WNT3: variants seen among roughly 807,000 people sequenced by gnomAD.
WNT3 encodes proto-oncogene Wnt-3.
In WNT3, 7 loss-of-function variants were observed where a neutral mutation model predicts 34.2. The observed-to-expected ratio is 0.20, with a 90% CI of 0.12 to 0.38. The LOEUF (loss-of-function observed/expected upper bound fraction) is 0.38, where lower values mean the gene tolerates loss of function less well. WNT3 is among the 10% of genes least tolerant of loss of function. WNT3 has a pLI of 1.00. For synonymous variants in WNT3, 212 were observed against 211.5 expected, an observed-to-expected ratio of 1.00 and a Z score of -0.02; for missense variants, 267 against 499.8, an observed-to-expected ratio of 0.53 and a Z score of 4.44.
Position 46,816,475 on chromosome 17 carries a change from G to GCACGCACA in WNT3, c.80+2042_80+2043insTGTGCGTG, listed in dbSNP as rs1475869479. Among the ~76,000 whole-genome samples, 622 of 144,348 alleles carry GCACGCACA rather than the reference G, an allele frequency of 4.3e-3. 3 individuals carry two copies. The highest frequency in any genetic ancestry group is 0.015 in the African/African-American group (587 of 38,904). The allele number at this position is 144,348 out of a possible 152,430, so 94.7% of individuals were successfully genotyped here. ...TTAGGGTCATAGACCCAGAACACAC[G>GCACGCACA]CACACACACACACACACACACACAC... On this transcript the variant is annotated intron_variant, in intron 1 of 4. Transcript: ENST00000225512.
chr17:46,794,360 G>A (rs557412342), intron 1 of WNT3, among the ~76,000 whole-genome samples: 3 of 152,320 alleles, frequency 2.0e-5, no homozygotes, highest in African/African-American at 7.2e-5. Flanking sequence ...CTATGGGGCT[G>A]AAAGAAGCCC....
At chr17:46,775,130 C>T (rs185839758) in intron 1 of WNT3, among the ~76,000 whole-genome samples, 140 of 152,316 alleles carry the variant, frequency 9.2e-4, no homozygotes, top group African/African-American at 3.2e-3. Context: ...GACACAGGGC[C>T]GAGCCAAACA....
At chr17:46,773,644 C>G (rs1230607729) in intron 2 of WNT3, 24 bp downstream of exon 2, 1 of 1,285,728 alleles carries the variant, frequency 7.8e-7, no homozygotes, top group Non-Finnish European at 1.0e-6. Context: ...AGCCCCTCCC[C>G]CCCCCTCAGC....
chr17:46,801,887 T>C (rs1306312833), intron 1 of WNT3, among the ~76,000 whole-genome samples: 2 of 152,160 alleles, frequency 1.3e-5, no homozygotes, highest in Non-Finnish European at 2.9e-5. Flanking sequence ...CTAGTGGAAC[T>C]GTTTCCCCGC....
chr17:46,775,517 G>T (rs1345758265), intron 1 of WNT3, among the ~76,000 whole-genome samples: 1 of 151,742 alleles, frequency 6.6e-6, no homozygotes, highest in Non-Finnish European at 1.5e-5. Flanking sequence ...TGAGGAGCCA[G>T]ATCTGGGAGT....
rs373436112 is a variant in WNT3 at position 46,769,774 on chromosome 17, C to T, written c.588+9G>A. On this transcript the variant is annotated intron_variant, in intron 3 of 4. Coordinates refer to ENST00000225512, the MANE Select transcript of WNT3 (RefSeq NM_030753.5). The stretch of plus-strand genomic sequence containing the variant: ...CCCTGAAGGGTTTGGGGAGGGTAGC[C>T]GGGCTCACCGTGCGGCCCGCCTCGT... 448 of 1,609,442 alleles carry T rather than the reference C, an allele frequency of 2.8e-4. 3 individuals are homozygous for T. The Middle Eastern group carries it at 3.3e-3, about 12-fold the overall frequency.
intron 1 of WNT3, among the ~76,000 whole-genome samples, chr17:46,791,927 C>T (rs1425519095): frequency 6.6e-6 from 1 of 152,168 alleles, no homozygotes. Flanking sequence ...GTAGTCCCAG[C>T]TACTGGGGAG....
At chr17:46,779,097 A>AC (rs2059437505) in intron 1 of WNT3, among the ~76,000 whole-genome samples, 4 of 131,360 alleles carry the variant, frequency 3.0e-5, no homozygotes, top group East Asian at 2.7e-4. Flanking sequence ...ACACACACAC[A>AC]CACACACCCC....
intron 1 of WNT3, among the ~76,000 whole-genome samples, chr17:46,797,527 G>A (rs557019369): frequency 6.6e-6 from 1 of 152,234 alleles, no homozygotes; most frequent in African/African-American, 2.4e-5. Context: ...TGGGCCATGG[G>A]AAAAACAATC....
At chr17:46,799,933 C>G (rs965580463) in intron 1 of WNT3, among the ~76,000 whole-genome samples, 11 of 152,152 alleles carry the variant, frequency 7.2e-5, no homozygotes, top group African/African-American at 2.4e-4. Context: ...AGCCTACCCT[C>G]TTTCTGGAGT....
chr17:46,775,274 C>T (rs757350527), intron 1 of WNT3, among the ~76,000 whole-genome samples: 12 of 152,258 alleles, frequency 7.9e-5, no homozygotes, highest in South Asian at 2.1e-4. Context: ...AGCTTGCCTA[C>T]GGCTTTTTGG....
In WNT3 at chr17:46,765,294, C is replaced by T. The variant is rs1466540174; in HGVS notation, c.*9-673G>A. Among the ~76,000 whole-genome samples the T allele has an allele frequency of 2.0e-5, 3 of 152,162 alleles. No homozygotes were observed. In the East Asian group the frequency reaches 5.8e-4, roughly 29 times the overall value. On this transcript the variant is annotated intron_variant, in intron 4 of 4. Transcript: ENST00000225512. ...GGCAGTAACAGATCCAGGACTTGGG[C>T]GCAGCCAGGCCACTCGACTCTTGCC... is the stretch of plus-strand genomic sequence containing the variant.
chr17:46,773,648 C>G lies in WNT3; in HGVS notation c.322+20G>C, dbSNP rs200609079. 5.7e-5 allele frequency: 88 copies of G among 1,531,380 alleles called. 1 individual carries two copies. The East Asian group carries it at 1.6e-3, about 29-fold the overall frequency. 94.9% of individuals were successfully genotyped at this position (1,531,380 alleles called of 1,614,324 possible). A position where few individuals can be genotyped will look rare whatever the true frequency, so the allele number is the denominator to read the frequency against. On this transcript the variant is annotated intron_variant, in intron 2 of 4. Coordinates refer to ENST00000225512, the MANE Select transcript of WNT3 (RefSeq NM_030753.5). ...TCCCCCCACCCAGCCCCTCCCCCCC[C>G]CTCAGCCCCAAGGCAGTACCTTTGT...
chr17:46,773,001 A>T (rs980919224), intron 2 of WNT3, among the ~76,000 whole-genome samples: 1 of 152,124 alleles, frequency 6.6e-6, no homozygotes, highest in Non-Finnish European at 1.5e-5. Context: ...TGAGCCCCCA[A>T]GTCCCCTTCT....
intron 4 of WNT3, among the ~76,000 whole-genome samples, chr17:46,765,366 C>T (rs780586217): frequency 3.3e-5 from 5 of 152,148 alleles, no homozygotes; most frequent in African/African-American, 4.8e-5. Flanking sequence ...AGCAGAGTGA[C>T]GAGGAATAAA....
intron 2 of WNT3, among the ~76,000 whole-genome samples, chr17:46,773,291 A>G (rs1023386563): frequency 3.3e-5 from 5 of 152,124 alleles, no homozygotes; most frequent in African/African-American, 1.2e-4. Flanking sequence ...AGGACTTTCT[A>G]GATGGGAGGG....
At chr17:46,801,857 G>A (rs1034487866) in intron 1 of WNT3, among the ~76,000 whole-genome samples, 4 of 152,122 alleles carry the variant, frequency 2.6e-5, no homozygotes, top group East Asian at 1.9e-4. Flanking sequence ...CCTTCTTCCC[G>A]ATGCTGTGCC....
Position 46,773,925 on chromosome 17 carries a change from G to A in WNT3, c.81-16C>T, listed in dbSNP as rs373738685. 1 of 1,609,650 alleles carries A rather than the reference G, an allele frequency of 6.2e-7. No homozygotes were observed. Among genetic ancestry groups the A allele is most frequent in the South Asian group, 1.1e-5 (1 of 90,732 alleles). ...GGCCAGGGACCTGCAGGCAGACAGA[G>A]GGTAGTAACACTGTGGGCACAAAGC... On this transcript the variant is annotated splice_polypyrimidine_tract_variant and intron_variant, in intron 1 of 4. Transcript: ENST00000225512.
At chr17:46,809,785 G>T (rs2084246959) in intron 1 of WNT3, among the ~76,000 whole-genome samples, 1 of 151,986 alleles carries the variant, frequency 6.6e-6, no homozygotes, top group Non-Finnish European at 1.5e-5. Flanking sequence ...TGACCAGTTG[G>T]CTTCAGACCT....
Sources: gnomAD v4.1 joint callset for allele counts (sites outside exome capture counted in the v4.1 genomes callset) on GRCh38, gnomAD v4.1.1 for gene constraint, MANE v1.5 for transcripts, NCBI Gene and HGNC (gene_info 2026-07-23, HGNC 2026-07-21) for gene names.